Variants in PACS2 observed in about 807,000 individuals in gnomAD.
The protein encoded by PACS2 is phosphofurin acidic cluster sorting protein 2.
PACS2 carries 36 observed loss-of-function variants against 113.0 expected under a neutral mutation model. The ratio of observed to expected loss-of-function variants is 0.32; its 90% confidence interval spans 0.24 to 0.42. The LOEUF is 0.42. Among genes scored for constraint, PACS2 ranks in the 10% least tolerant of loss-of-function variants. The pLI is 1.00. For synonymous variants in PACS2, 589 were observed against 536.1 expected (o/e 1.10, Z -1.36); for missense variants, 1,015 against 1,239.5 (o/e 0.82, Z 2.72).
rs1555414868 is a variant in PACS2 at position 105,391,654 on chromosome 14, T to A, written c.2143T>A (p.Ser715Thr). The change falls in exon 22 of 25, where the codon TCG (serine) becomes ACG (threonine). Residue 715 changes from serine to threonine, a missense_variant. By Grantham distance (58) the Ser-to-Thr change is moderately conservative (BLOSUM62 1). Transcript: ENST00000447393. ...TSGDSDDAAP[S>T]GSGTLSSTPP... ...AGGCGACTCGGACGACGCGGCCCCC[T>A]CGGGCTCTGGCACGCTCTCCTCCAC... 10 of 1,610,238 alleles carry A rather than the reference T, an allele frequency of 6.2e-6. No individual in the cohort carries two copies. The highest frequency in any genetic ancestry group is 1.3e-5 in the African/African-American group (1 of 74,908).
At position 105,395,743 on chromosome 14, in the gene PACS2, CCA is replaced by C. The variant is rs1417971645; in HGVS notation, c.*1074_*1075del. The C allele has an allele frequency of 6.6e-6, 1 of 152,268 alleles. No individual in the cohort carries two copies. Among genetic ancestry groups the C allele is most frequent in the Admixed American group, 6.5e-5 (1 of 15,278 alleles). 9.4% of individuals were successfully genotyped at this position (152,268 alleles called of 1,614,324 possible). A position where few individuals can be genotyped will look rare whatever the true frequency, so the allele number is the denominator to read the frequency against. Reference sequence around the variant, plus strand: ...TGCAGGGCCTGGGAGGCTCTCCAGGCCACAGTCCTCAGAGCGTGTTGGGTCCC... The same window carrying C: ...TGCAGGGCCTGGGAGGCTCTCCAGGCCAGTCCTCAGAGCGTGTTGGGTCCC... On this transcript the variant is annotated 3_prime_UTR_variant, in exon 25 of 25. Transcript: ENST00000447393.
chr14:105,391,299 CA>C, intron 21 of PACS2, 50 bp downstream of exon 21: 1 of 1,399,616 alleles, frequency 7.1e-7, no homozygotes, highest in Non-Finnish European at 1.0e-6. Flanking sequence ...GGGTGGGCTG[CA>C]GGAGCACGGT....
intron 4 of PACS2, among the ~76,000 whole-genome samples, chr14:105,364,502 G>C (rs1209156027): frequency 6.8e-6 from 1 of 146,400 alleles, no homozygotes; most frequent in Non-Finnish European, 1.5e-5. Flanking sequence ...CCGGGTGCGC[G>C]GTGGGCGGTG....
intron 1 of PACS2, among the ~76,000 whole-genome samples, chr14:105,347,262 C>A (rs1253477275): frequency 6.6e-6 from 1 of 151,734 alleles, no homozygotes; most frequent in African/African-American, 2.4e-5. Flanking sequence ...CCTGTGATGT[C>A]CTGAGGCCGC....
At chr14:105,392,397 G>A (rs1267933554) in intron 22 of PACS2, 1 of 574,820 alleles carries the variant, frequency 1.7e-6, no homozygotes, top group Non-Finnish European at 3.1e-6. Flanking sequence ...CCAGGCCGAG[G>A]CTCTCCTGTC....
chr14:105,312,480 G>A (rs1330216330), upstream of PACS2, among the ~76,000 whole-genome samples: 2 of 152,158 alleles, frequency 1.3e-5, no homozygotes, highest in African/African-American at 4.8e-5. Flanking sequence ...CCAGTCATCC[G>A]AGAGGTTTGT....
intron 8 of PACS2, among the ~76,000 whole-genome samples, chr14:105,373,448 T>G (rs2061231961): frequency 6.6e-6 from 1 of 152,190 alleles, no homozygotes; most frequent in Non-Finnish European, 1.5e-5. Flanking sequence ...AACAAAGATG[T>G]CAAGATATCC....
rs946543032 is a variant in PACS2, at chr14:105,354,394, G to A, written c.298-658G>A. Among the ~76,000 whole-genome samples the A allele has an allele frequency of 6.6e-6, 1 of 152,182 alleles. No homozygotes were observed. Among genetic ancestry groups the A allele is most frequent in the African/African-American group, 2.4e-5 (1 of 41,450 alleles). ...CGGGATTACAGGTGTGAGCCACCGC[G>A]CCTGGCCCAATGCTCCATGGTTCAG... On this transcript the variant is annotated intron_variant, in intron 3 of 24. Transcript: ENST00000447393. This position sits in a 1 kb window ranked among gnomAD's most constrained non-coding sequence, Gnocchi z 4.2.
chr14:105,324,220 C>G lies in PACS2; in HGVS notation c.119+9183C>G, dbSNP rs1230358824. On this transcript the variant is annotated intron_variant, in intron 1 of 24. Transcript: ENST00000447393. This position sits in a 1 kb window ranked among gnomAD's most constrained non-coding sequence, Gnocchi z 4.7. ...GCGGTGCTGTGGCGGGGTCGGGGGG[C>G]TGCTGCAGAGAGCGGGTCTGCGGTC... is the stretch of plus-strand genomic sequence containing the variant. 6.6e-6 allele frequency among the ~76,000 whole-genome samples: 1 copy of G among 152,240 alleles called. No individual in the cohort carries two copies. The highest frequency in any genetic ancestry group is 2.1e-4 in the South Asian group (1 of 4,824).
intron 8 of PACS2, among the ~76,000 whole-genome samples, chr14:105,373,914 G>C (rs587631593): frequency 6.6e-6 from 1 of 152,058 alleles, no homozygotes; most frequent in African/African-American, 2.4e-5. Flanking sequence ...GAGGCTTGAG[G>C]CTCAAGTGAC....
At chr14:105,369,605 C>A (rs2141159567) in intron 7 of PACS2, among the ~76,000 whole-genome samples, 1 of 152,238 alleles carries the variant, frequency 6.6e-6, no homozygotes, top group East Asian at 1.9e-4. Flanking sequence ...TCTGGAAGAA[C>A]CATGGAGTCC....
intron 1 of PACS2, among the ~76,000 whole-genome samples, chr14:105,321,261 C>T (rs1694110563): frequency 6.6e-6 from 1 of 152,190 alleles, no homozygotes; most frequent in Admixed American, 6.5e-5. Context: ...CTGTGGTCTT[C>T]AAGTCCGTTC....
At chr14:105,327,501 T>C (rs2059161573) in intron 1 of PACS2, among the ~76,000 whole-genome samples, 1 of 152,074 alleles carries the variant, frequency 6.6e-6, no homozygotes, top group Non-Finnish European at 1.5e-5. Context: ...TCCTGTCAAA[T>C]GGTGCTGGGG....
At chr14:105,341,655 T>C (rs1346209666) in intron 1 of PACS2, among the ~76,000 whole-genome samples, 2 of 152,240 alleles carry the variant, frequency 1.3e-5, no homozygotes, top group African/African-American at 4.8e-5. Flanking sequence ...TAACATGTTT[T>C]GTTTATCTGC....
intron 18 of PACS2, 142 bp from the exon 19 acceptor site, chr14:105,385,543 A>G: frequency 1.8e-6 from 1 of 546,736 alleles, no homozygotes. Flanking sequence ...GCCGAGTGCA[A>G]GGCGCAAAGC....
At chr14:105,305,548 G>A (rs1240452591) in intron 1 of PACS2, among the ~76,000 whole-genome samples, 1 of 152,192 alleles carries the variant, frequency 6.6e-6, no homozygotes, top group Non-Finnish European at 1.5e-5. Context: ...GCACCGTCCT[G>A]TGAAATGAAT....
rs1595160801 is a variant in PACS2, at chr14:105,384,057, G to A, written c.1781-296G>A. 14 of 407,846 alleles carry A rather than the reference G, an allele frequency of 3.4e-5. 1 individual carries two copies. The East Asian group carries it at 3.5e-4, about 10-fold the overall frequency. 25.3% of individuals were successfully genotyped at this position (407,846 alleles called of 1,614,324 possible). A position where few individuals can be genotyped will look rare whatever the true frequency, so the allele number is the denominator to read the frequency against. ...CCCGTGTGGCCCTCACGATGCCGAC[G>A]TCAGAGCCCTGAGCCAGCCGAGGCC... On this transcript the variant is annotated intron_variant, in intron 16 of 24. Coordinates refer to ENST00000447393, the MANE Select transcript of PACS2 (RefSeq NM_001100913.3).
rs937903717 is a variant in PACS2 at position 105,364,905 on chromosome 14, C to T, written c.424-2308C>T. On this transcript the variant is annotated intron_variant, in intron 4 of 24. Transcript: ENST00000447393. ...AGAGATAAGAGTTTCGCCATGTTGC[C>T]CAGGCTGGTCTCAAACTCCTGAGCT... Among the ~76,000 whole-genome samples the T allele has an allele frequency of 3.9e-5, 6 of 152,192 alleles. No homozygotes were observed. The Middle Eastern group carries it at 0.01, about 259-fold the overall frequency.
chr14:105,346,226 C>G (rs587618037), intron 1 of PACS2, among the ~76,000 whole-genome samples: 3 of 152,278 alleles, frequency 2.0e-5, no homozygotes, highest in African/African-American at 7.2e-5. Context: ...AATAAAACAT[C>G]TTCTGACCTG....
Sources: gnomAD v4.1 joint callset for allele counts (sites outside exome capture counted in the v4.1 genomes callset) on GRCh38, gnomAD v4.1.1 for gene constraint, Gnocchi (gnomAD v3.1) non-coding constraint, MANE v1.5 for transcripts, NCBI Gene and HGNC (gene_info 2026-07-23, HGNC 2026-07-21) for gene names.